The following KCNT2 variants were observed in gnomAD, a reference collection of about 807,000 sequenced individuals.
KCNT2 encodes potassium channel subfamily T member 2.
A neutral mutation model predicts 153.8 loss-of-function variants in KCNT2; 67 were observed. The ratio of observed to expected loss-of-function variants is 0.44; its 90% CI spans 0.36 to 0.53. The LOEUF (loss-of-function observed/expected upper bound fraction) is 0.53. KCNT2 is among the 20% of genes least tolerant of loss of function. The pLI is 0.00. For missense variants in KCNT2, 975 were observed against 1,354.8 expected (o/e 0.72, Z 4.40); for synonymous variants, 500 against 458.8 (o/e 1.09, Z -1.15).
intron 1 of KCNT2, among the ~76,000 whole-genome samples, chr1:196,600,832 A>G (rs1389661387): frequency 6.6e-6 from 1 of 152,188 alleles, no homozygotes; most frequent in East Asian, 1.9e-4. Flanking sequence ...GGCCTTGCTT[A>G]TCCATCTCTA....
intron 18 of KCNT2, among the ~76,000 whole-genome samples, chr1:196,330,033 T>C (rs896592583): frequency 7.1e-6 from 1 of 141,384 alleles, no homozygotes; most frequent in African/African-American, 2.7e-5. Context: ...AGAATCTCAT[T>C]TGAATGAAAG....
intron 13 of KCNT2, among the ~76,000 whole-genome samples, chr1:196,393,708 AC>A (rs1236357825): frequency 1.3e-5 from 2 of 151,530 alleles, no homozygotes; most frequent in African/African-American, 4.8e-5. Context: ...ATGTCTGATA[AC>A]TAAACTGCTA....
intron 8 of KCNT2, among the ~76,000 whole-genome samples, chr1:196,450,737 C>T (rs1170850941): frequency 6.6e-6 from 1 of 151,886 alleles, no homozygotes; most frequent in Non-Finnish European, 1.5e-5. Context: ...GCCAGTATTT[C>T]TGCTACTGCT....
At chr1:196,600,993 T>C (rs1325873233) in intron 1 of KCNT2, among the ~76,000 whole-genome samples, 1 of 152,190 alleles carries the variant, frequency 6.6e-6, no homozygotes, top group Non-Finnish European at 1.5e-5. Flanking sequence ...TTCTCTTCTA[T>C]AAGTGATTTT....
At chr1:196,258,779 T>C in intron 25 of KCNT2, 1 of 357,016 alleles carries the variant, frequency 2.8e-6, no homozygotes, top group Non-Finnish European at 5.3e-6. Flanking sequence ...TTAGCATACA[T>C]AGTTATTTAT....
At chr1:196,475,600 C>A (rs2148686534) in intron 5 of KCNT2, among the ~76,000 whole-genome samples, 1 of 151,778 alleles carries the variant, frequency 6.6e-6, no homozygotes, top group Middle Eastern at 3.4e-3. Flanking sequence ...AGAGTGAGAA[C>A]CTTGTCTCAA....
At chr1:196,496,467 CAAAA>C (rs548990555) in intron 1 of KCNT2, among the ~76,000 whole-genome samples, 3 of 61,274 alleles carry the variant, frequency 4.9e-5, no homozygotes, top group Non-Finnish European at 6.7e-5. Context: ...GACTCTGTCT[CAAAA>C]AAAAAAAAAA....
chr1:196,452,059 T>A (rs1326257715), intron 8 of KCNT2, among the ~76,000 whole-genome samples: 1 of 151,966 alleles, frequency 6.6e-6, no homozygotes, highest in East Asian at 1.9e-4. Flanking sequence ...TCCTCTTAAG[T>A]TTAAATTCAC....
intron 6 of KCNT2, among the ~76,000 whole-genome samples, chr1:196,468,060 T>A (rs1677767802): frequency 6.6e-6 from 1 of 152,118 alleles, no homozygotes; most frequent in African/African-American, 2.4e-5. Context: ...TATCATTGAA[T>A]CTTTTAGTGT....
At chr1:196,571,421 T>G (rs1660762483) in intron 1 of KCNT2, among the ~76,000 whole-genome samples, 2 of 152,076 alleles carry the variant, frequency 1.3e-5, no homozygotes, top group African/African-American at 4.8e-5. Context: ...GAAATCCAAC[T>G]GAAACAGAGA....
intron 1 of KCNT2, among the ~76,000 whole-genome samples, chr1:196,598,992 A>G (rs1271624495): frequency 6.6e-6 from 1 of 152,228 alleles, no homozygotes; most frequent in Non-Finnish European, 1.5e-5. Flanking sequence ...TTGAGCAGAG[A>G]AAGGTAAGAA....
chr1:196,374,954 C>G (rs1668832114), intron 13 of KCNT2, among the ~76,000 whole-genome samples: 1 of 151,814 alleles, frequency 6.6e-6, no homozygotes, highest in Non-Finnish European at 1.5e-5. Context: ...TGCAATGTAG[C>G]ATGCAATTAT....
At chr1:196,273,049 A>G (rs1378520126) in intron 25 of KCNT2, among the ~76,000 whole-genome samples, 1 of 151,900 alleles carries the variant, frequency 6.6e-6, no homozygotes, top group Non-Finnish European at 1.5e-5. Flanking sequence ...TCTGAAATCT[A>G]TAACCTTTTA....
At position 196,424,919 on chromosome 1, in the gene KCNT2, G is replaced by A. The variant is rs146005497; in HGVS notation, c.1121+933C>T. The stretch of plus-strand genomic sequence containing the variant: ...ACACTTGCACACACAGTGAAGACAG[G>A]CACAAATACACACCCGCTCATGCAC... On this transcript the variant is annotated intron_variant, in intron 11 of 27. Coordinates refer to ENST00000294725, the MANE Select transcript of KCNT2 (RefSeq NM_198503.5). Among the ~76,000 whole-genome samples the A allele has an allele frequency of 4.0e-4, 60 of 150,368 alleles. No individual in the cohort carries two copies. In the East Asian group the frequency reaches 0.011, roughly 28 times the overall value.
chr1:196,412,517 T>C (rs937147271), intron 12 of KCNT2, among the ~76,000 whole-genome samples: 4 of 151,624 alleles, frequency 2.6e-5, no homozygotes, highest in Admixed American at 6.6e-5. Flanking sequence ...TTGCAACAGA[T>C]TACATCAGTT....
At chr1:196,602,768 C>CTT (rs1664872229) in intron 1 of KCNT2, among the ~76,000 whole-genome samples, 6 of 99,720 alleles carry the variant, frequency 6.0e-5, no homozygotes, top group African/African-American at 1.6e-4. Context: ...TATTCAAAGT[C>CTT]TATTTTTTTT....
At chr1:196,589,730 G>T (rs1663115455) in intron 1 of KCNT2, among the ~76,000 whole-genome samples, 1 of 152,030 alleles carries the variant, frequency 6.6e-6, no homozygotes, top group Non-Finnish European at 1.5e-5. Context: ...TAGGTGTTTT[G>T]AATATACTGA....
rs576687585 is a variant in KCNT2 at position 196,548,338 on chromosome 1, G to A, written c.96-55997C>T. On this transcript the variant is annotated intron_variant, in intron 1 of 27. Coordinates refer to ENST00000294725, the MANE Select transcript of KCNT2 (RefSeq NM_198503.5). Reference sequence around the variant, plus strand: ...AAAAAACAAACAACCCCATCAAAAAGTGGGTGAAGGACATGAACAGACACT... The same window carrying A: ...AAAAAACAAACAACCCCATCAAAAAATGGGTGAAGGACATGAACAGACACT... Among the ~76,000 whole-genome samples, 4 of 152,048 alleles carry A rather than the reference G, an allele frequency of 2.6e-5. No homozygotes were observed. In the South Asian group the frequency reaches 8.3e-4, roughly 32 times the overall value.
At position 196,566,864 on chromosome 1, in the gene KCNT2, T is replaced by C. The variant is rs1660174132; in HGVS notation, c.95+41351A>G. Reference sequence around the variant, plus strand: ...AAATAAATTATTAGATTTAGTACTTTATTCTATTACAAGATTGTTTTTTAA... The same window carrying C: ...AAATAAATTATTAGATTTAGTACTTCATTCTATTACAAGATTGTTTTTTAA... On this transcript the variant is annotated intron_variant, in intron 1 of 27. Transcript: ENST00000294725. Among the ~76,000 whole-genome samples, 6 of 152,258 alleles carry C rather than the reference T, an allele frequency of 3.9e-5. No homozygotes were observed. The South Asian group carries it at 1.2e-3, about 32-fold the overall frequency.
Sources: gnomAD v4.1 joint callset for allele counts (sites outside exome capture counted in the v4.1 genomes callset) on GRCh38, gnomAD v4.1.1 for gene constraint, MANE v1.5 for transcripts, NCBI Gene and HGNC (gene_info 2026-07-23, HGNC 2026-07-21) for gene names.